The following CRELD2 variants were observed in gnomAD, a reference collection of about 807,000 sequenced individuals.
CRELD2 encodes CRELD disulfide isomerase 2.
Under a neutral mutation model 48.1 loss-of-function variants are expected in CRELD2, and 33 were observed. The ratio of observed to expected loss-of-function variants is 0.69; its 90% CI spans 0.52 to 0.92. CRELD2 has a LOEUF of 0.92. Among genes scored for constraint, CRELD2 ranks in the 40% least tolerant of loss-of-function variants. CRELD2 has a pLI of 0.00. For synonymous variants in CRELD2, 220 were observed against 203.9 expected, an observed-to-expected ratio of 1.08 and a Z score of -0.67; for missense variants, 477 against 482.4, an observed-to-expected ratio of 0.99 and a Z score of 0.10.
intron 3 of CRELD2, 50 bp from the exon 4 acceptor site, chr22:49,920,106 T>G: frequency 7.8e-7 from 1 of 1,278,928 alleles, no homozygotes; most frequent in Middle Eastern, 1.8e-4. Context: ...ATGTTTGTTT[T>G]AAAGAACCGT....
chr22:49,924,311 C>A, intron 7 of CRELD2, 49 bp from the exon 8 acceptor site: 1 of 1,408,554 alleles, frequency 7.1e-7, no homozygotes, highest in Non-Finnish European at 9.9e-7. Context: ...GTCTGACGGG[C>A]ACTGGTGCCT....
chr22:49,921,491 T>C (rs1055780812), intron 4 of CRELD2, 94 bp from the exon 5 acceptor site: 115 of 1,314,032 alleles, frequency 8.8e-5, no homozygotes, highest in Non-Finnish European at 1.1e-4. Context: ...CTCAGAATCG[T>C]ACAGGGTTTG....
chr22:49,919,824 G>A lies in CRELD2; in HGVS notation c.307G>A (p.Ala103Thr), dbSNP rs1230638325. 9.9e-6 allele frequency: 16 copies of A among 1,608,578 alleles called. No homozygotes were observed. In the East Asian group the frequency reaches 3.6e-4, roughly 36 times the overall value. ...MLEAQEEHLE[A>T]WWLQLKSEYP... is the part of the protein sequence containing the mutation. Reference sequence around the variant, plus strand: ...AGAGGCGCAGGAGGAGCACCTGGAGGCCTGGTGGCTGCAGCTGTGAGTGCC... The same window carrying A: ...AGAGGCGCAGGAGGAGCACCTGGAGACCTGGTGGCTGCAGCTGTGAGTGCC... Residue 103 changes from alanine (A) to threonine (T), a missense_variant, in exon 3 of 10, where the codon GCC becomes ACC. Physicochemically the swap from Ala to Thr is moderately conservative, Grantham distance 58 (BLOSUM62 0). Transcript: ENST00000328268.
chr22:49,921,144 C>T (rs1022308484), intron 4 of CRELD2: 6 of 165,204 alleles, frequency 3.6e-5, no homozygotes, highest in Admixed American at 5.9e-5. Flanking sequence ...GCTCCCAGGC[C>T]GCACACCTGC....
At chr22:49,923,199 C>T (rs2060719394) in intron 6 of CRELD2, 35 bp from the exon 7 acceptor site, 3 of 1,522,472 alleles carry the variant, frequency 2.0e-6, no homozygotes, top group South Asian at 1.3e-5. Context: ...GCCGGGCTGT[C>T]CTGGGCCGCT....
rs139517764 is a variant in CRELD2 at position 49,923,313 on chromosome 22, C to G, written c.768C>G (p.Cys256Trp). The G allele has an allele frequency of 1.3e-6, 2 of 1,598,356 alleles. No homozygotes were observed. Among genetic ancestry groups the G allele is most frequent in the Non-Finnish European group, 1.7e-6 (2 of 1,174,236 alleles). Residue 256 changes from cysteine to tryptophan, a missense_variant, in exon 7 of 10, where the codon TGC becomes TGG. Transcript: ENST00000328268. ...FCKNANGSYT[C>W]EECDSSCVGC... Reference sequence around the variant, plus strand: ...AGAACGCCAACGGCTCCTACACGTGCGAAGGTGGGCCAGGCGGGCGGGTCT... The same window carrying G: ...AGAACGCCAACGGCTCCTACACGTGGGAAGGTGGGCCAGGCGGGCGGGTCT...
intron 9 of CRELD2, 48 bp downstream of exon 9, chr22:49,925,605 C>T: frequency 6.2e-7 from 1 of 1,608,062 alleles, no homozygotes; most frequent in Non-Finnish European, 8.5e-7. Context: ...CCCTGGGCCG[C>T]AGGGCTTGCA....
rs776255863 is a variant in CRELD2 at position 49,921,670 on chromosome 22, G to A, written c.501G>A (p.Arg167=). 2 of 1,612,952 alleles carry A rather than the reference G, an allele frequency of 1.2e-6. No individual in the cohort carries two copies. Among genetic ancestry groups the A allele is most frequent in the Non-Finnish European group, 1.7e-6 (2 of 1,179,988 alleles). Residue 167 remains arginine (R), a synonymous_variant, in exon 5 of 10, where the codon CGG becomes CGA. Transcript: ENST00000328268. ...DGSRQGDGSC[R]CHMGYQGPLC... is the part of the protein sequence containing the mutation. ...GCAGACAGGGCGACGGGTCCTGCCGGTGCCACATGGGGTACCAGGGCCCGC... is the reference window on the plus strand; with the variant it reads ...GCAGACAGGGCGACGGGTCCTGCCGATGCCACATGGGGTACCAGGGCCCGC...
intron 9 of CRELD2, 49 bp from the exon 10 acceptor site, chr22:49,927,206 C>T (rs1394889809): frequency 1.9e-6 from 3 of 1,553,804 alleles, no homozygotes; most frequent in East Asian, 2.2e-5. Flanking sequence ...GCCTCATCCC[C>T]AGGGCCCTTT....
At chr22:49,921,259 G>A (rs2060683426) in intron 4 of CRELD2, 2 of 316,536 alleles carry the variant, frequency 6.3e-6, no homozygotes, top group Non-Finnish European at 5.9e-6. Context: ...ACATTGTGAT[G>A]TCACTAGGCA....
chr22:49,921,828 C>T, intron 5 of CRELD2, 67 bp downstream of exon 5: 1 of 1,518,584 alleles, frequency 6.6e-7, no homozygotes. Context: ...GCTGGAGCTG[C>T]CTGCCTAGAT....
At chr22:49,924,274 C>G in intron 7 of CRELD2, 86 bp from the exon 8 acceptor site, 1 of 883,546 alleles carries the variant, frequency 1.1e-6, no homozygotes, top group South Asian at 1.6e-5. Context: ...CAAATCCTGG[C>G]GGCACCGGTG....
At position 49,920,181 on chromosome 22, in the gene CRELD2, G is replaced by T; in HGVS notation, c.349G>T (p.Glu117Ter). 2.5e-6 allele frequency: 4 copies of T among 1,612,898 alleles called. No homozygotes were observed. The highest frequency in any genetic ancestry group is 3.4e-6 in the Non-Finnish European group (4 of 1,179,214). Residue 117 changes from glutamate to a stop codon, truncating the protein, a stop_gained, in exon 4 of 10, where the codon GAG becomes TAG. Transcript: ENST00000328268. LOFTEE classifies it high-confidence loss of function. The part of the protein sequence containing the change: ...QLKSEYPDLF[E>*]WFCVKTLKVC... ...GAAGAGCGAATATCCTGACTTATTC[G>T]AGTGGTTTTGTGTGAAGACACTGAA...
At position 49,921,755 on chromosome 22, in the gene CRELD2, T is replaced by TG. The variant is rs1334150038; in HGVS notation, c.587dup (p.Cys196TrpfsTer5). ...GCTCCGGAACGAGACCCACAGCATCTGCACAGGTACGGGCTACGCCTGGGC... is the reference window on the plus strand; with the variant it reads ...GCTCCGGAACGAGACCCACAGCATCTGGCACAGGTACGGGCTACGCCTGGGC... On this transcript the variant is annotated frameshift_variant, in exon 5 of 10. Transcript: ENST00000328268. LOFTEE classifies it high-confidence loss of function. 5.0e-6 allele frequency: 8 copies of TG among 1,611,416 alleles called. No homozygotes were observed. Among genetic ancestry groups the TG allele is most frequent in the African/African-American group, 4.0e-5 (3 of 74,914 alleles).
At chr22:49,919,709 C>T in intron 2 of CRELD2, 21 bp from the exon 3 acceptor site, 3 of 1,565,278 alleles carry the variant, frequency 1.9e-6, no homozygotes, top group Non-Finnish European at 2.6e-6. Context: ...GACGGTGGGC[C>T]GGTGTGGGCC....
At chr22:49,922,024 T>C (rs1569184710) in intron 5 of CRELD2, 1 of 597,500 alleles carries the variant, frequency 1.7e-6, no homozygotes, top group East Asian at 2.8e-5. Context: ...CGACCTTGAG[T>C]TGTGATGGGC....
rs141639508 is a variant in CRELD2 at position 49,923,299 on chromosome 22, G to A, written c.754G>A (p.Gly252Ser). Residue 252 changes from glycine (G) to serine (S), a missense_variant, in exon 7 of 10, where the codon GGC becomes AGC. Transcript: ENST00000328268. ...SAAQFCKNAN[G>S]SYTCEECDSS... ...TGCGCAGTTCTGTAAGAACGCCAAC[G>A]GCTCCTACACGTGCGAAGGTGGGCC... The A allele has an allele frequency of 1.5e-5, 24 of 1,611,776 alleles. No homozygotes were observed. The highest frequency in any genetic ancestry group is 2.2e-5 in the East Asian group (1 of 44,886).
chr22:49,922,721 C>T lies in CRELD2; in HGVS notation c.688+14C>T, dbSNP rs9616209. 202,529 of 1,385,784 alleles carry T rather than the reference C, an allele frequency of 0.15. 14,882 individuals carry two copies. The highest frequency in any genetic ancestry group is 0.28 in the African/African-American group (16,623 of 60,126). 85.8% of individuals were successfully genotyped at this position (1,385,784 alleles called of 1,614,324 possible). A position where few individuals can be genotyped will look rare whatever the true frequency, so the allele number is the denominator to read the frequency against. ...GCGCCTGTGTGGGTGAGGAGCGGCC[C>T]GGGGGTGGAGGAGGGCGCCTGCGTG... On this transcript the variant is annotated intron_variant, in intron 6 of 9. Transcript: ENST00000328268.
rs2060651859 is a variant in CRELD2 at position 49,919,321 on chromosome 22, C to T, written c.212+9C>T. The T allele has an allele frequency of 6.2e-7, 1 of 1,611,200 alleles. No homozygotes were observed. The highest frequency in any genetic ancestry group is 1.3e-5 in the African/African-American group (1 of 74,920). ...TCCAAGTACGAGTCCAGGTGGGTGC[C>T]CTGGAGCACCCCTGTGGGTCTTGGC... is the stretch of plus-strand genomic sequence containing the variant. On this transcript the variant is annotated intron_variant, in intron 2 of 9. Transcript: ENST00000328268.
Sources: allele counts gnomAD v4.1 joint callset, GRCh38; gene constraint gnomAD v4.1.1; transcripts MANE v1.5; gene names NCBI Gene and HGNC (gene_info 2026-07-23, HGNC 2026-07-21).